Variants in IGSF21 observed in about 807,000 individuals in gnomAD.
IGSF21 encodes immunoglobulin superfamily member 21.
A neutral mutation model predicts 46.8 loss-of-function variants in IGSF21; 28 were observed. The ratio of observed to expected loss-of-function variants is 0.60; its 90% CI spans 0.44 to 0.82. The LOEUF is 0.82. IGSF21 is among the 40% of genes least tolerant of loss of function. The pLI is 0.00. For synonymous variants in IGSF21, 284 were observed against 273.6 expected (o/e 1.04, Z -0.38); for missense variants, 624 against 665.5 (o/e 0.94, Z 0.69).
At chr1:18,289,510 T>G (rs960147039) in intron 2 of IGSF21, among the ~76,000 whole-genome samples, 4 of 152,214 alleles carry the variant, frequency 2.6e-5, no homozygotes, top group Non-Finnish European at 4.4e-5. Context: ...ATTTTGCCTC[T>G]CCAAGCCTCA....
intron 1 of IGSF21, among the ~76,000 whole-genome samples, chr1:18,184,760 C>A (rs1354341931): frequency 6.6e-6 from 1 of 152,158 alleles, no homozygotes; most frequent in African/African-American, 2.4e-5. Flanking sequence ...CCTCTTGTGA[C>A]CCACTGGCCA....
intron 3 of IGSF21, among the ~76,000 whole-genome samples, chr1:18,297,299 G>T (rs1290123275): frequency 6.6e-6 from 1 of 152,160 alleles, no homozygotes; most frequent in African/African-American, 2.4e-5. Context: ...AACACTTGCT[G>T]CTGGGGTGGA....
chr1:18,279,474 G>T lies in IGSF21; in HGVS notation c.184-12392G>T, dbSNP rs533396840. Reference sequence around the variant, plus strand: ...TGTAGAATTCTGCCACCCAGAATTTGCCTAGTGTTAACGCCACCCCCATAG... The same window carrying T: ...TGTAGAATTCTGCCACCCAGAATTTTCCTAGTGTTAACGCCACCCCCATAG... On this transcript the variant is annotated intron_variant, in intron 2 of 9. Transcript: ENST00000251296. Among the ~76,000 whole-genome samples the T allele has an allele frequency of 2.0e-5, 3 of 152,246 alleles. No homozygotes were observed. The East Asian group carries it at 5.8e-4, about 29-fold the overall frequency.
chr1:18,158,717 T>G (rs2124440590), intron 1 of IGSF21, among the ~76,000 whole-genome samples: 1 of 152,344 alleles, frequency 6.6e-6, no homozygotes, highest in East Asian at 1.9e-4. Flanking sequence ...ATTCTGCCAC[T>G]TACTGTGTGA....
intron 4 of IGSF21, chr1:18,361,798 G>A (rs369106075): frequency 1.6e-4 from 37 of 236,008 alleles, no homozygotes; most frequent in African/African-American, 8.1e-4. Flanking sequence ...TCCCAGGCTC[G>A]GGCAGAGTCC....
intron 2 of IGSF21, among the ~76,000 whole-genome samples, chr1:18,237,962 T>C (rs1265393990): frequency 2.0e-5 from 3 of 152,080 alleles, no homozygotes; most frequent in East Asian, 1.9e-4. Flanking sequence ...AGGGATTCTA[T>C]GTGGGGGCCT....
In IGSF21 at chr1:18,195,746, T is replaced by G. The variant is rs568605030; in HGVS notation, c.71-32152T>G. ...TGCGGATTCACTGATTCCACAGGAG[T>G]TTTTAAACACAATTATGTGTTCAAA... On this transcript the variant is annotated intron_variant, in intron 1 of 9. Transcript: ENST00000251296. 1.5e-3 allele frequency among the ~76,000 whole-genome samples: 226 copies of G among 152,010 alleles called. 5 individuals are homozygous for G. Among genetic ancestry groups the G allele is most frequent in the Middle Eastern group, 6.8e-3 (2 of 294 alleles).
chr1:18,260,371 C>T (rs555064024), intron 2 of IGSF21, among the ~76,000 whole-genome samples: 6 of 152,260 alleles, frequency 3.9e-5, no homozygotes, highest in South Asian at 2.1e-4. Flanking sequence ...GAGCTTAGCC[C>T]GGGAGGGTTC....
At chr1:18,347,534 G>A (rs2085906741) in intron 4 of IGSF21, among the ~76,000 whole-genome samples, 1 of 152,200 alleles carries the variant, frequency 6.6e-6, no homozygotes, top group African/African-American at 2.4e-5. Flanking sequence ...AGTGGGGTGG[G>A]GATCTGTATC....
intron 2 of IGSF21, among the ~76,000 whole-genome samples, chr1:18,256,612 C>T (rs766366709): frequency 5.9e-5 from 9 of 152,078 alleles, no homozygotes; most frequent in Non-Finnish European, 1.2e-4. Flanking sequence ...GAAGGAAAGG[C>T]CTTGGTCTGA....
At chr1:18,228,957 C>T (rs2084597119) in intron 2 of IGSF21, among the ~76,000 whole-genome samples, 1 of 152,060 alleles carries the variant, frequency 6.6e-6, no homozygotes, top group African/African-American at 2.4e-5. Flanking sequence ...TCATGGGCAC[C>T]AAAGTCTGAA....
At position 18,297,119 on chromosome 1, in the gene IGSF21, C is replaced by G. The variant is rs75925555; in HGVS notation, c.305+5132C>G. On this transcript the variant is annotated intron_variant, in intron 3 of 9. Coordinates refer to ENST00000251296, the MANE Select transcript of IGSF21 (RefSeq NM_032880.5). ...TGTCTTCAGAGTCTGCCCGCCCCCC[C>G]ACTAGACTGGAAGCCCCATGAGGAC... is the stretch of plus-strand genomic sequence containing the variant. 3.4e-3 allele frequency among the ~76,000 whole-genome samples: 524 copies of G among 152,310 alleles called. 3 individuals carry two copies. The highest frequency in any genetic ancestry group is 0.011 in the African/African-American group (450 of 41,568).
chr1:18,196,627 T>TAG (rs1371834304), intron 1 of IGSF21, among the ~76,000 whole-genome samples: 1 of 152,192 alleles, frequency 6.6e-6, no homozygotes, highest in African/African-American at 2.4e-5. Context: ...CTGTTAGAAG[T>TAG]GCTCTGTTTT....
At chr1:18,332,828 G>T (rs1157614127) in intron 3 of IGSF21, among the ~76,000 whole-genome samples, 1 of 152,186 alleles carries the variant, frequency 6.6e-6, no homozygotes, top group African/African-American at 2.4e-5. Flanking sequence ...TGTGCTGGGT[G>T]GTGGGAGGGA....
intron 5 of IGSF21, 101 bp downstream of exon 5, chr1:18,362,331 T>A: frequency 1.2e-6 from 1 of 845,180 alleles, no homozygotes; most frequent in Non-Finnish European, 1.9e-6. Flanking sequence ...GGAAAGGGAG[T>A]GGTTGGCCAG....
At chr1:18,285,272 A>C (rs368858159) in intron 2 of IGSF21, among the ~76,000 whole-genome samples, 82 of 151,872 alleles carry the variant, frequency 5.4e-4, no homozygotes, top group African/African-American at 1.9e-3. Context: ...TTGTTTTTCA[A>C]ATTAAACAGC....
chr1:18,316,508 C>T (rs902755213), intron 3 of IGSF21, among the ~76,000 whole-genome samples: 1 of 152,124 alleles, frequency 6.6e-6, no homozygotes, highest in Non-Finnish European at 1.5e-5. Flanking sequence ...GTGAACAATT[C>T]TCCTACTGTC....
At chr1:18,261,720 C>T (rs753326388) in intron 2 of IGSF21, among the ~76,000 whole-genome samples, 31 of 152,214 alleles carry the variant, frequency 2.0e-4, no homozygotes, top group African/African-American at 5.3e-4. Context: ...TCACCATCAG[C>T]GTCCAGAATG....
intron 4 of IGSF21, among the ~76,000 whole-genome samples, chr1:18,345,273 T>A (rs2085881247): frequency 6.6e-6 from 1 of 152,232 alleles, no homozygotes; most frequent in African/African-American, 2.4e-5. Context: ...AAATGGAGTT[T>A]AATTCCTTAG....
Sources: allele counts gnomAD v4.1 joint callset (sites outside exome capture counted in the v4.1 genomes callset), GRCh38; gene constraint gnomAD v4.1.1; transcripts MANE v1.5; gene names NCBI Gene and HGNC (gene_info 2026-07-23, HGNC 2026-07-21).